RAB38: variants seen among roughly 807,000 people sequenced by gnomAD.
RAB38 encodes the protein RAB38, member RAS oncogene family.
A neutral mutation model predicts 18.4 loss-of-function variants in RAB38; 15 were observed. That is an observed-to-expected ratio of 0.82 (90% CI 0.55 to 1.26). The LOEUF (loss-of-function observed/expected upper bound fraction) is 1.26, where lower values mean the gene tolerates loss of function less well. RAB38 is among the 50% of genes most tolerant of loss of function. RAB38 has a pLI of 0.00. For missense variants in RAB38, 294 were observed against 267.4 expected (o/e 1.10, Z -0.69); for synonymous variants, 101 against 104.4 (o/e 0.97, Z 0.20).
the RAB38 span, among the ~76,000 whole-genome samples, chr11:88,039,043 G>C: frequency 6.6e-6 from 1 of 152,182 alleles, no homozygotes; most frequent in African/African-American, 2.4e-5. Context: ...AAGCAAGTAT[G>C]AGTCAATTTA....
the RAB38 span, among the ~76,000 whole-genome samples, chr11:88,022,789 T>C: frequency 1.3e-5 from 2 of 152,122 alleles, no homozygotes. Context: ...ACCCAGTCTA[T>C]AGTTGATGGG....
intron 2 of RAB38, among the ~76,000 whole-genome samples, chr11:88,142,086 C>G (rs1348237988): frequency 6.6e-6 from 1 of 152,070 alleles, no homozygotes; most frequent in Non-Finnish European, 1.5e-5. Context: ...TCCTTCTGAC[C>G]TCAGAAAAAC....
the RAB38 span, among the ~76,000 whole-genome samples, chr11:87,945,573 G>C: frequency 6.6e-6 from 1 of 152,080 alleles, no homozygotes; most frequent in Non-Finnish European, 1.5e-5. Flanking sequence ...ATGTAGAAGA[G>C]TGAAGGAAAA....
At chr11:87,853,379 C>T in the RAB38 span, among the ~76,000 whole-genome samples, 4 of 152,158 alleles carry the variant, frequency 2.6e-5, no homozygotes, top group African/African-American at 9.6e-5. Flanking sequence ...GGTAAGAGCT[C>T]TCTGTTTCTC....
At chr11:88,152,716 AAAGTAGAGAC>A (rs1943078566) in intron 1 of RAB38, among the ~76,000 whole-genome samples, 13 of 152,224 alleles carry the variant, frequency 8.5e-5, no homozygotes, top group Admixed American at 3.3e-4. Context: ...ACTTTTGGGC[AAAGTAGAGAC>A]CTGATGAATT....
intron 2 of RAB38, among the ~76,000 whole-genome samples, chr11:88,121,372 G>A (rs1942626843): frequency 6.6e-6 from 1 of 152,172 alleles, no homozygotes; most frequent in Non-Finnish European, 1.5e-5. Flanking sequence ...TACTAAGTTT[G>A]TACTCACAAA....
At chr11:87,876,906 A>C in the RAB38 span, among the ~76,000 whole-genome samples, 2 of 151,568 alleles carry the variant, frequency 1.3e-5, no homozygotes, top group East Asian at 2.0e-4. Flanking sequence ...CAGGAAATTA[A>C]ACACATAATA....
chr11:87,808,168 T>C, the RAB38 span, among the ~76,000 whole-genome samples: 1 of 152,132 alleles, frequency 6.6e-6, no homozygotes, highest in Non-Finnish European at 1.5e-5. Flanking sequence ...AATAAGTAAA[T>C]ATAGAACTAC....
the RAB38 span, among the ~76,000 whole-genome samples, chr11:88,073,012 C>T: frequency 6.6e-6 from 1 of 152,234 alleles, no homozygotes; most frequent in South Asian, 2.1e-4. Context: ...ATCTGTGATA[C>T]CACTACCTCC....
chr11:87,896,845 C>G, the RAB38 span, among the ~76,000 whole-genome samples: 2 of 151,524 alleles, frequency 1.3e-5, no homozygotes, highest in African/African-American at 4.8e-5. Flanking sequence ...GAAAGGAGCC[C>G]AGCACATATT....
At chr11:88,128,669 T>C (rs984033774) in intron 2 of RAB38, among the ~76,000 whole-genome samples, 8 of 152,204 alleles carry the variant, frequency 5.3e-5, no homozygotes, top group African/African-American at 1.7e-4. Flanking sequence ...CATATGCTCA[T>C]AGTTTTGCCA....
the RAB38 span, among the ~76,000 whole-genome samples, chr11:88,068,891 A>C: frequency 6.6e-6 from 1 of 152,226 alleles, no homozygotes; most frequent in Non-Finnish European, 1.5e-5. Flanking sequence ...AGGTGACAAC[A>C]TGCTGGCGGC....
chr11:88,142,353 G>C (rs1241681671), intron 2 of RAB38, among the ~76,000 whole-genome samples: 1 of 152,212 alleles, frequency 6.6e-6, no homozygotes. Context: ...GCTGTGAAAT[G>C]CCTGGAAGGT....
At chr11:87,938,875 ATATT>A in the RAB38 span, among the ~76,000 whole-genome samples, 5 of 151,816 alleles carry the variant, frequency 3.3e-5, no homozygotes, top group Non-Finnish European at 7.4e-5. Flanking sequence ...GAGTATTACT[ATATT>A]TATTTTATAT....
the RAB38 span, among the ~76,000 whole-genome samples, chr11:88,009,308 G>A: frequency 1.3e-5 from 2 of 152,166 alleles, no homozygotes; most frequent in African/African-American, 4.8e-5. Context: ...AGCAGTCTCA[G>A]AAGTGTCATT....
chr11:87,857,841 T>C, the RAB38 span, among the ~76,000 whole-genome samples: 1 of 152,188 alleles, frequency 6.6e-6, no homozygotes, highest in African/African-American at 2.4e-5. Context: ...GTGGTTTCTT[T>C]TGCTGTGCAG....
At chr11:88,006,626 A>ATATATACACATTATATATGTATATATAAT in the RAB38 span, among the ~76,000 whole-genome samples, 3 of 143,516 alleles carry the variant, frequency 2.1e-5, no homozygotes, top group African/African-American at 7.7e-5. Flanking sequence ...ATGTATATAT[A>ATATATACACATTATATATGTATATATAAT]ATATATATAT....
chr11:88,013,894 C>T, the RAB38 span, among the ~76,000 whole-genome samples: 59 of 152,148 alleles, frequency 3.9e-4, no homozygotes, highest in Non-Finnish European at 7.2e-4. Flanking sequence ...TCGCAGTACC[C>T]TTTACATATT....
At chr11:87,968,363 T>C in the RAB38 span, among the ~76,000 whole-genome samples, 1 of 152,170 alleles carries the variant, frequency 6.6e-6, no homozygotes, top group Non-Finnish European at 1.5e-5. Context: ...ACATAGCACC[T>C]AGCTAGAGAC....
Sources: gnomAD v4.1 joint callset for allele counts (sites outside exome capture counted in the v4.1 genomes callset) on GRCh38, gnomAD v4.1.1 for gene constraint, MANE v1.5 for transcripts, NCBI Gene and HGNC (gene_info 2026-07-23, HGNC 2026-07-21) for gene names.